The following CDH4 variants were observed in gnomAD, a reference collection of about 807,000 sequenced individuals.
CDH4 encodes the protein cadherin-4.
A neutral mutation model predicts 86.0 loss-of-function variants in CDH4; 33 were observed. That is an observed-to-expected ratio of 0.38 (90% CI 0.29 to 0.51). The LOEUF (loss-of-function observed/expected upper bound fraction) is 0.51, where lower values mean the gene tolerates loss of function less well. Ranked by LOEUF, CDH4 falls within the 20% of genes least tolerant of loss-of-function variation. CDH4 has a pLI of 0.86. For missense variants in CDH4, 1,114 were observed against 1,307.4 expected, an observed-to-expected ratio of 0.85 and a Z score of 2.28; for synonymous variants, 555 against 549.4, an observed-to-expected ratio of 1.01 and a Z score of -0.14.
chr20:61,617,976 T>C (rs1408865002), intron 2 of CDH4, among the ~76,000 whole-genome samples: 1 of 152,170 alleles, frequency 6.6e-6, no homozygotes, highest in Non-Finnish European at 1.5e-5. Flanking sequence ...GTTTCCCCTT[T>C]TGCTTGGCTC....
intron 2 of CDH4, among the ~76,000 whole-genome samples, chr20:61,346,120 C>T (rs1264683106): frequency 6.6e-6 from 1 of 152,162 alleles, no homozygotes; most frequent in Non-Finnish European, 1.5e-5. Context: ...GGGCTGGAGG[C>T]TGAGGGGTGA....
chr20:61,780,231 G>T (rs1978465168), intron 4 of CDH4, among the ~76,000 whole-genome samples: 1 of 152,018 alleles, frequency 6.6e-6, no homozygotes, highest in Non-Finnish European at 1.5e-5. Context: ...CGTAGCCTTG[G>T]TCACCTGCAG....
chr20:61,880,411 A>T (rs779043703), intron 7 of CDH4, among the ~76,000 whole-genome samples: 29 of 152,138 alleles, frequency 1.9e-4, no homozygotes, highest in Non-Finnish European at 3.5e-4. Context: ...ATTGAGACAA[A>T]TCTGCTGCTG....
intron 2 of CDH4, among the ~76,000 whole-genome samples, chr20:61,736,729 C>T (rs1016718283): frequency 6.6e-6 from 1 of 152,134 alleles, no homozygotes; most frequent in African/African-American, 2.4e-5. Context: ...GCATTCACGA[C>T]AGGCGGGGTC....
intron 2 of CDH4, among the ~76,000 whole-genome samples, chr20:61,400,304 T>C (rs62199086): frequency 0.06 from 9,126 of 152,000 alleles, 324 homozygotes; most frequent in African/African-American, 0.1. Context: ...CTCTCAGGAG[T>C]TATAGTTATT....
At position 61,843,830 on chromosome 20, in the gene CDH4, C is replaced by T. The variant is rs556723965; in HGVS notation, c.577-838C>T. On this transcript the variant is annotated intron_variant, in intron 4 of 15. Transcript: ENST00000614565. The stretch of plus-strand genomic sequence containing the variant: ...AAGTAGTATATGCTAAAGACATGCT[C>T]AAAGTTGAATGCAAATCCATTCATT... Among the ~76,000 whole-genome samples, 11 of 152,248 alleles carry T rather than the reference C, an allele frequency of 7.2e-5. No homozygotes were observed. In the East Asian group the frequency reaches 2.1e-3, roughly 29 times the overall value.
At chr20:61,926,483 G>A (rs1247459397) in intron 11 of CDH4, among the ~76,000 whole-genome samples, 4 of 152,214 alleles carry the variant, frequency 2.6e-5, no homozygotes, top group African/African-American at 4.8e-5. Context: ...GTGCAGCTGT[G>A]CAGCTGCCTG....
At chr20:61,422,216 C>G (rs949886250) in intron 2 of CDH4, among the ~76,000 whole-genome samples, 1 of 151,918 alleles carries the variant, frequency 6.6e-6, no homozygotes, top group African/African-American at 2.4e-5. Context: ...CACCTGAGGT[C>G]GGGAGTTCAT....
intron 2 of CDH4, among the ~76,000 whole-genome samples, chr20:61,323,774 C>T (rs1034756967): frequency 6.6e-6 from 1 of 152,164 alleles, no homozygotes; most frequent in Non-Finnish European, 1.5e-5. Flanking sequence ...TCTCATCTTG[C>T]CGTCACCTTT....
intron 7 of CDH4, among the ~76,000 whole-genome samples, chr20:61,890,230 A>T (rs1984757610): frequency 6.8e-6 from 1 of 148,060 alleles, no homozygotes; most frequent in Admixed American, 6.7e-5. Flanking sequence ...GGGTGAGTGG[A>T]TGGATGGATA....
intron 2 of CDH4, among the ~76,000 whole-genome samples, chr20:61,578,865 G>C (rs1280571608): frequency 3.9e-5 from 6 of 152,152 alleles, no homozygotes; most frequent in Non-Finnish European, 8.8e-5. Context: ...AGATCCTCCG[G>C]TCAAGCAATA....
chr20:61,612,819 T>C (rs1315630459), intron 2 of CDH4, among the ~76,000 whole-genome samples: 1 of 152,160 alleles, frequency 6.6e-6, no homozygotes, highest in South Asian at 2.1e-4. Flanking sequence ...GGCTTGGCTT[T>C]GGCATTTGGT....
chr20:61,661,095 G>GGGGGGGGA (rs2087251783), intron 2 of CDH4, among the ~76,000 whole-genome samples: 2 of 139,088 alleles, frequency 1.4e-5, no homozygotes, highest in African/African-American at 5.4e-5. Context: ...GGGGGGGGGG[G>GGGGGGGGA]AGACACAGTG....
At chr20:61,744,158 G>A (rs551713534) in intron 3 of CDH4, among the ~76,000 whole-genome samples, 26 of 152,336 alleles carry the variant, frequency 1.7e-4, no homozygotes, top group African/African-American at 5.8e-4. Context: ...GGCCCAGGGC[G>A]TTCTGAAGCC....
chr20:61,318,616 C>T (rs2084491036), intron 2 of CDH4, among the ~76,000 whole-genome samples: 1 of 152,096 alleles, frequency 6.6e-6, no homozygotes, highest in Non-Finnish European at 1.5e-5. Context: ...TGGTTCGTGC[C>T]CAGGAGGAGC....
chr20:61,391,391 C>T (rs2084984794), intron 2 of CDH4, among the ~76,000 whole-genome samples: 1 of 152,082 alleles, frequency 6.6e-6, no homozygotes, highest in Admixed American at 6.6e-5. Context: ...TTGTGGGTGA[C>T]CTGCTAGCCA....
chr20:61,277,980 T>A (rs190324989), intron 2 of CDH4, among the ~76,000 whole-genome samples: 1 of 152,306 alleles, frequency 6.6e-6, no homozygotes, highest in Admixed American at 6.5e-5. Context: ...GGCGTTGATC[T>A]CAGATTCAGA....
At chr20:61,836,193 C>T (rs771267845) in intron 4 of CDH4, among the ~76,000 whole-genome samples, 1 of 152,186 alleles carries the variant, frequency 6.6e-6, no homozygotes, top group African/African-American at 2.4e-5. Flanking sequence ...GGTTGTATTC[C>T]CAGGACCACT....
At chr20:61,743,179 G>T (rs1030533407) in intron 2 of CDH4, among the ~76,000 whole-genome samples, 4 of 152,336 alleles carry the variant, frequency 2.6e-5, no homozygotes, top group African/African-American at 9.6e-5. Flanking sequence ...GCAGGAAGAA[G>T]ATTTGCATAG....
Sources: gnomAD v4.1 joint callset for allele counts (sites outside exome capture counted in the v4.1 genomes callset) on GRCh38, gnomAD v4.1.1 for gene constraint, MANE v1.5 for transcripts, NCBI Gene and HGNC (gene_info 2026-07-23, HGNC 2026-07-21) for gene names.